Variants in GLDN observed in about 807,000 individuals in gnomAD.
The protein encoded by GLDN is gliomedin, also known as collomin.
In GLDN, 47 loss-of-function variants were observed where a neutral mutation model predicts 56.5. That is an observed-to-expected ratio of 0.83 (90% CI 0.66 to 1.06). The LOEUF (loss-of-function observed/expected upper bound fraction) is 1.06, where lower values mean the gene tolerates loss of function less well. Ranked by LOEUF, GLDN falls within the 50% of genes least tolerant of loss-of-function variation. GLDN has a pLI of 0.00. For missense variants in GLDN, 782 were observed against 714.3 expected, an observed-to-expected ratio of 1.09 and a Z score of -1.08; for synonymous variants, 332 against 278.8, an observed-to-expected ratio of 1.19 and a Z score of -1.90.
chr15:51,386,234 C>A (rs1287742167), intron 4 of GLDN, among the ~76,000 whole-genome samples: 1 of 152,124 alleles, frequency 6.6e-6, no homozygotes, highest in Admixed American at 6.5e-5. Context: ...GAAGTTGAGT[C>A]CCCGAGGCCC....
Position 51,341,831 on chromosome 15 carries a change from G to A in GLDN, c.147G>A (p.Arg49=), listed in dbSNP as rs1442408994. The A allele has an allele frequency of 2.0e-6, 3 of 1,518,854 alleles. No individual in the cohort carries two copies. The highest frequency in any genetic ancestry group is 1.8e-6 in the Non-Finnish European group (2 of 1,141,744). The allele number at this position is 1,518,854 out of a possible 1,614,324, so 94.1% of individuals were successfully genotyped here. ...GGCGCGGGCTGAGCTCGGCGCTGCG[G>A]GCTTTGGAGGCGCAGCGGGGCCGGG... ...CQWRGLSSAL[R]ALEAQRGREQ... The change falls in exon 1 of 10, where the codon CGG becomes CGA. Residue 49 remains arginine (R), a synonymous_variant. Transcript: ENST00000335449.
At chr15:51,382,035 A>C (rs531637966) in intron 2 of GLDN, among the ~76,000 whole-genome samples, 22 of 152,138 alleles carry the variant, frequency 1.4e-4, no homozygotes, top group Admixed American at 2.6e-4. Flanking sequence ...CCTCATCTCT[A>C]CACACTTGGC....
At chr15:51,368,116 A>G (rs2037441954) in intron 1 of GLDN, among the ~76,000 whole-genome samples, 1 of 152,320 alleles carries the variant, frequency 6.6e-6, no homozygotes, top group East Asian at 1.9e-4. Context: ...GAATAATATC[A>G]TTGCTTGGGG....
chr15:51,398,303 C>T (rs1404344730), intron 6 of GLDN, among the ~76,000 whole-genome samples: 2 of 152,238 alleles, frequency 1.3e-5, no homozygotes, highest in Non-Finnish European at 1.5e-5. Context: ...TACTTGACCT[C>T]TGGTGGACTT....
At chr15:51,356,674 G>A (rs549682305) in intron 1 of GLDN, among the ~76,000 whole-genome samples, 82 of 152,124 alleles carry the variant, frequency 5.4e-4, no homozygotes, top group African/African-American at 1.8e-3. Flanking sequence ...TGTGACCTTC[G>A]GCAGGTCACT....
chr15:51,400,202 T>C lies in GLDN; in HGVS notation c.828T>C (p.Cys276=). 6.2e-7 allele frequency: 1 copy of C among 1,614,116 alleles called. No homozygotes were observed. The highest frequency in any genetic ancestry group is 1.7e-5 in the Admixed American group (1 of 60,032). Reference sequence around the variant, plus strand: ...TTGTTGTCATTTTAGGTGAGACTTGTGCCATACCAAATGATGATACCTTGG... The same window carrying C: ...TTGTTGTCATTTTAGGTGAGACTTGCGCCATACCAAATGATGATACCTTGG... ...MFNGQCPGET[C]AIPNDDTLVG... is the part of the protein sequence containing the mutation. Residue 276 remains cysteine, a synonymous_variant, in exon 7 of 10, where the codon TGT becomes TGC. Coordinates refer to ENST00000335449, the MANE Select transcript of GLDN (RefSeq NM_181789.4).
chr15:51,354,220 A>C (rs991705134), intron 1 of GLDN, among the ~76,000 whole-genome samples: 4 of 152,226 alleles, frequency 2.6e-5, no homozygotes, highest in African/African-American at 9.6e-5. Flanking sequence ...CCTAGGCTCT[A>C]TATAAAAACT....
At chr15:51,349,380 A>G (rs1425613167) in intron 1 of GLDN, among the ~76,000 whole-genome samples, 1 of 152,264 alleles carries the variant, frequency 6.6e-6, no homozygotes, top group African/African-American at 2.4e-5. Flanking sequence ...TCAGCAAACT[A>G]TGGCCTGTAG....
At chr15:51,362,546 G>A (rs569696697) in intron 1 of GLDN, among the ~76,000 whole-genome samples, 1 of 151,894 alleles carries the variant, frequency 6.6e-6, no homozygotes, top group African/African-American at 2.4e-5. Context: ...TTGGGTGGGG[G>A]AAGGAGGGAC....
intron 1 of GLDN, among the ~76,000 whole-genome samples, chr15:51,348,089 C>G (rs2141047033): frequency 6.6e-6 from 1 of 152,270 alleles, no homozygotes; most frequent in South Asian, 2.1e-4. Context: ...AACCATGTGA[C>G]TGTGTTACTC....
chr15:51,342,198 G>GC (rs1467546058), intron 1 of GLDN, 151 bp downstream of exon 1: 49 of 962,344 alleles, frequency 5.1e-5, no homozygotes, highest in Non-Finnish European at 7.0e-5. Context: ...TGTCACCTTG[G>GC]CAAGCACCTC....
At chr15:51,368,056 C>G (rs928907239) in intron 1 of GLDN, among the ~76,000 whole-genome samples, 8 of 152,242 alleles carry the variant, frequency 5.3e-5, no homozygotes, top group African/African-American at 1.7e-4. Context: ...GCAGGTATCC[C>G]CATGAGAGAT....
intron 1 of GLDN, among the ~76,000 whole-genome samples, chr15:51,348,314 T>TTTTTATTTTTTTATTTTA (rs1278777955): frequency 6.9e-6 from 1 of 145,534 alleles, no homozygotes; most frequent in Non-Finnish European, 1.5e-5. Context: ...GTTCTTTTCT[T>TTTTTATTTTTTTATTTTA]TTTTATTTTT....
rs1444229454 is a variant in GLDN at position 51,404,444 on chromosome 15, T to C, written c.1346T>C (p.Val449Ala). ...AGTGTGGACGGCTCGAGCATTCTTGTAGCACAACTGGATGAGAGGACATTC... is the reference window on the plus strand; with the variant it reads ...AGTGTGGACGGCTCGAGCATTCTTGCAGCACAACTGGATGAGAGGACATTC... ...ASSVDGSSIL[V>A]AQLDERTFSV... Residue 449 changes from valine (V) to alanine (A), a missense_variant, in exon 10 of 10, where the codon GTA (valine) becomes GCA (alanine). Coordinates refer to ENST00000335449, the MANE Select transcript of GLDN (RefSeq NM_181789.4). The C allele has an allele frequency of 4.3e-6, 7 of 1,614,056 alleles. No homozygotes were observed. Among genetic ancestry groups the C allele is most frequent in the Non-Finnish European group, 5.1e-6 (6 of 1,180,028 alleles).
chr15:51,410,842 A>G (rs1292743886), downstream of GLDN, among the ~76,000 whole-genome samples: 3 of 152,238 alleles, frequency 2.0e-5, no homozygotes, highest in Admixed American at 6.5e-5. Flanking sequence ...TGAATCTGGC[A>G]ATCCTAACCA....
intron 1 of GLDN, among the ~76,000 whole-genome samples, chr15:51,365,552 T>C (rs1418439208): frequency 6.6e-6 from 1 of 152,172 alleles, no homozygotes; most frequent in East Asian, 1.9e-4. Flanking sequence ...ATTATTCCCA[T>C]TTTACAGACA....
rs1290052791 is a variant in GLDN, at chr15:51,407,688, G to A, written c.*2934G>A. 1 of 152,240 alleles carries A rather than the reference G, an allele frequency of 6.6e-6. No homozygotes were observed. The highest frequency in any genetic ancestry group is 1.9e-4 in the East Asian group (1 of 5,206). 9.4% of individuals were successfully genotyped at this position (152,240 alleles called of 1,614,324 possible). Reference sequence around the variant, plus strand: ...AGTTCTGGGGTGGAAGTTTTAAGATGAGGAGTTCTGATCTTAGGCATCTTA... The same window carrying A: ...AGTTCTGGGGTGGAAGTTTTAAGATAAGGAGTTCTGATCTTAGGCATCTTA... On this transcript the variant is annotated 3_prime_UTR_variant, in exon 10 of 10. Coordinates refer to ENST00000335449, the MANE Select transcript of GLDN (RefSeq NM_181789.4).
At chr15:51,412,598 T>A (rs558099662), downstream of GLDN, among the ~76,000 whole-genome samples, 2 of 152,246 alleles carry the variant, frequency 1.3e-5, no homozygotes, top group Admixed American at 1.3e-4. Flanking sequence ...CATGTTAGCA[T>A]AGGATATCTT....
chr15:51,350,773 T>G (rs994994322), intron 1 of GLDN, among the ~76,000 whole-genome samples: 4 of 152,174 alleles, frequency 2.6e-5, no homozygotes, highest in Admixed American at 2.6e-4. Context: ...ATTGGCATGA[T>G]TCTCTAGGGA....
Sources: gnomAD v4.1 joint callset for allele counts (sites outside exome capture counted in the v4.1 genomes callset) on GRCh38, gnomAD v4.1.1 for gene constraint, MANE v1.5 for transcripts, NCBI Gene and HGNC (gene_info 2026-07-23, HGNC 2026-07-21) for gene names.